PCDH15: variants seen among roughly 807,000 people sequenced by gnomAD.
PCDH15 encodes protocadherin-15.
In PCDH15, 129 loss-of-function variants were observed where a neutral mutation model predicts 178.5. The ratio of observed to expected loss-of-function variants is 0.72; its 90% CI spans 0.63 to 0.84. The LOEUF (loss-of-function observed/expected upper bound fraction) is 0.84. PCDH15 is among the 40% of genes least tolerant of loss of function. The pLI, the probability that PCDH15 is intolerant of heterozygous loss-of-function variation, is 0.00. For missense variants in PCDH15, 2,230 were observed against 2,099.9 expected (o/e 1.06, Z -1.21); for synonymous variants, 800 against 732.0 (o/e 1.09, Z -1.50).
intron 7 of PCDH15, among the ~76,000 whole-genome samples, chr10:54,327,364 C>G (rs1245196117): frequency 6.6e-6 from 1 of 150,984 alleles, no homozygotes; most frequent in African/African-American, 2.4e-5. Context: ...ACAGTTTTCA[C>G]TCTGCTCTAT....
intron 26 of PCDH15, among the ~76,000 whole-genome samples, chr10:53,888,892 T>C (rs1035557964): frequency 4.7e-5 from 7 of 150,324 alleles, no homozygotes; most frequent in African/African-American, 1.5e-4. Context: ...TGAAATAGAA[T>C]AAAGTATTCA....
chr10:54,429,479 T>C (rs1169366025), intron 3 of PCDH15, among the ~76,000 whole-genome samples: 2 of 152,250 alleles, frequency 1.3e-5, no homozygotes, highest in South Asian at 2.1e-4. Context: ...TCCACACTTA[T>C]CAATGATAAC....
At chr10:54,330,908 T>G (rs1939390087) in intron 6 of PCDH15, among the ~76,000 whole-genome samples, 1 of 151,934 alleles carries the variant, frequency 6.6e-6, no homozygotes, top group Non-Finnish European at 1.5e-5. Flanking sequence ...TGTGTATTTG[T>G]GCTTGTGATT....
chr10:54,960,448 G>A (rs929567116), intron 2 of PCDH15, among the ~76,000 whole-genome samples: 1 of 152,010 alleles, frequency 6.6e-6, no homozygotes, highest in Non-Finnish European at 1.5e-5. Flanking sequence ...TTTCACAAAG[G>A]TGCCTATAGG....
intron 2 of PCDH15, among the ~76,000 whole-genome samples, chr10:55,059,978 A>G (rs867026542): frequency 1.1e-5 from 1 of 89,190 alleles, no homozygotes; most frequent in Middle Eastern, 6.3e-3. Flanking sequence ...GTATTGTCAT[A>G]CAAAAAATTA....
intron 21 of PCDH15, among the ~76,000 whole-genome samples, chr10:53,968,441 C>T (rs562469224): frequency 2.0e-5 from 3 of 152,302 alleles, no homozygotes; most frequent in South Asian, 4.1e-4. Flanking sequence ...CAGAGCTGAA[C>T]AAAAGGCAGC....
At chr10:55,115,272 A>T (rs992452767) in intron 2 of PCDH15, among the ~76,000 whole-genome samples, 3 of 152,312 alleles carry the variant, frequency 2.0e-5, no homozygotes, top group South Asian at 2.1e-4. Flanking sequence ...AGACATTTTT[A>T]AAAAATCTTA....
At chr10:55,231,218 C>G (rs1841210096) in intron 1 of PCDH15, among the ~76,000 whole-genome samples, 1 of 151,784 alleles carries the variant, frequency 6.6e-6, no homozygotes, top group African/African-American at 2.4e-5. Flanking sequence ...GATAATTCAT[C>G]CAGAAAATAA....
chr10:54,984,653 AC>A (rs1368832272), intron 2 of PCDH15, among the ~76,000 whole-genome samples: 3 of 152,150 alleles, frequency 2.0e-5, no homozygotes, highest in African/African-American at 7.2e-5. Context: ...AGCCTGGGCA[AC>A]ATCGTAAGAC....
rs927784162 is a variant in PCDH15, at chr10:54,697,596, T to A, written c.-28-33306A>T. 1.0e-4 allele frequency among the ~76,000 whole-genome samples: 13 copies of A among 129,686 alleles called. No individual in the cohort carries two copies. In the East Asian group the frequency reaches 2.4e-3, roughly 24 times the overall value. 85.1% of individuals were successfully genotyped at this position (129,686 alleles called of 152,430 possible). ...AAATGTTTATGCTTATTTTTGCTTATTCCATTTATGGTCAGAGAGAGAGAG... is the reference window on the plus strand; with the variant it reads ...AAATGTTTATGCTTATTTTTGCTTAATCCATTTATGGTCAGAGAGAGAGAG... On this transcript the variant is annotated intron_variant, in intron 1 of 37. Transcript: ENST00000644397.
chr10:55,005,418 T>C (rs1564708340), intron 2 of PCDH15, among the ~76,000 whole-genome samples: 1 of 152,110 alleles, frequency 6.6e-6, no homozygotes, highest in African/African-American at 2.4e-5. Context: ...TTTTAGCAGA[T>C]AACAACTTTA....
intron 2 of PCDH15, among the ~76,000 whole-genome samples, chr10:55,356,693 T>C (rs1305198315): frequency 6.6e-6 from 1 of 151,942 alleles, no homozygotes; most frequent in African/African-American, 2.4e-5. Flanking sequence ...TACTAAATAC[T>C]TTTCATTTAT....
chr10:54,097,842 T>C (rs1447076874), intron 15 of PCDH15, among the ~76,000 whole-genome samples: 1 of 152,102 alleles, frequency 6.6e-6, no homozygotes, highest in Non-Finnish European at 1.5e-5. Context: ...GGCAGGAAAA[T>C]GCACACCTCA....
At chr10:54,146,671 A>G (rs527252123) in intron 14 of PCDH15, among the ~76,000 whole-genome samples, 1 of 151,664 alleles carries the variant, frequency 6.6e-6, no homozygotes, top group South Asian at 2.1e-4. Flanking sequence ...ACTAAATTAG[A>G]ATAACACAGA....
intron 5 of PCDH15, among the ~76,000 whole-genome samples, chr10:54,350,551 A>G (rs1944006883): frequency 6.6e-6 from 1 of 152,264 alleles, no homozygotes; most frequent in South Asian, 2.1e-4. Flanking sequence ...TATGAGAGAA[A>G]TAGCCGAGAA....
intron 1 of PCDH15, among the ~76,000 whole-genome samples, chr10:54,757,124 G>T (rs1055037752): frequency 1.3e-5 from 2 of 152,138 alleles, no homozygotes; most frequent in African/African-American, 4.8e-5. Flanking sequence ...TCCAGCCGGG[G>T]TATATTCAGT....
intron 3 of PCDH15, chr10:54,864,605 A>C (rs1482108914): frequency 6.6e-6 from 1 of 152,158 alleles, no homozygotes; most frequent in Non-Finnish European, 1.5e-5. Context: ...TGTTGTGTGA[A>C]TCTGCATCAA....
intron 2 of PCDH15, among the ~76,000 whole-genome samples, chr10:55,482,721 C>A (rs1840209478): frequency 6.6e-6 from 1 of 151,726 alleles, no homozygotes; most frequent in Admixed American, 6.6e-5. Flanking sequence ...TGGAGGTAAC[C>A]TGGTCTTTCT....
intron 3 of PCDH15, among the ~76,000 whole-genome samples, chr10:54,868,268 C>T (rs1295293582): frequency 2.0e-5 from 3 of 152,142 alleles, no homozygotes; most frequent in Non-Finnish European, 2.9e-5. Flanking sequence ...CTATTGTATG[C>T]TTTTGAATTA....
Sources: allele counts gnomAD v4.1 joint callset (sites outside exome capture counted in the v4.1 genomes callset), GRCh38; gene constraint gnomAD v4.1.1; transcripts MANE v1.5; gene names NCBI Gene and HGNC (gene_info 2026-07-23, HGNC 2026-07-21).